Variants in EMC2 observed in about 807,000 individuals in gnomAD.
EMC2 encodes TPR repeat protein 35.
Under a neutral mutation model 51.6 loss-of-function variants are expected in EMC2, and 37 were observed. The observed-to-expected ratio is 0.72, with a 90% CI of 0.55 to 0.94. The LOEUF (loss-of-function observed/expected upper bound fraction) is 0.94. Among genes scored for constraint, EMC2 ranks in the 40% least tolerant of loss-of-function variants. The pLI, the probability that EMC2 is intolerant of heterozygous loss-of-function variation, is 0.00. For missense variants in EMC2, 359 were observed against 350.9 expected, an observed-to-expected ratio of 1.02 and a Z score of -0.18; for synonymous variants, 131 against 112.4, an observed-to-expected ratio of 1.17 and a Z score of -1.04.
rs1021902538 is a variant in EMC2, at chr8:108,487,537, G to C, written c.*939G>C. Among the ~76,000 whole-genome samples, 2 of 151,794 alleles carry C rather than the reference G, an allele frequency of 1.3e-5. No homozygotes were observed. Among genetic ancestry groups the C allele is most frequent in the African/African-American group, 4.8e-5 (2 of 41,378 alleles). On this transcript the variant is annotated 3_prime_UTR_variant, in exon 11 of 11. Coordinates refer to ENST00000220853, the MANE Select transcript of EMC2 (RefSeq NM_014673.5). ...TTTGACATGTTTCAACAAAATAGAAGAGACTTGAAAGTTAAATTTCATTTA... is the reference window on the plus strand; with the variant it reads ...TTTGACATGTTTCAACAAAATAGAACAGACTTGAAAGTTAAATTTCATTTA...
intron 10 of EMC2, among the ~76,000 whole-genome samples, chr8:108,481,707 G>A (rs2130415442): frequency 6.6e-6 from 1 of 152,194 alleles, no homozygotes; most frequent in East Asian, 1.9e-4. Flanking sequence ...AAACATTGCA[G>A]CATCCCAAAG....
intron 1 of EMC2, among the ~76,000 whole-genome samples, chr8:108,447,385 C>G (rs1234908377): frequency 3.9e-5 from 6 of 152,106 alleles, no homozygotes; most frequent in Non-Finnish European, 8.8e-5. Flanking sequence ...ATAGCTGTTC[C>G]CAACAGCCTG....
chr8:108,451,807 T>A (rs1819030083), intron 3 of EMC2, among the ~76,000 whole-genome samples: 1 of 152,228 alleles, frequency 6.6e-6, no homozygotes, highest in African/African-American at 2.4e-5. Context: ...ACAGTAACTT[T>A]ATAATGGTTA....
chr8:108,451,011 G>A (rs759821279), intron 3 of EMC2, among the ~76,000 whole-genome samples: 46 of 152,140 alleles, frequency 3.0e-4, no homozygotes, highest in Admixed American at 3.9e-4. Context: ...AGACCAGCCT[G>A]GCCAACGTGG....
chr8:108,484,694 CAGAATT>C (rs1404393683), intron 10 of EMC2, among the ~76,000 whole-genome samples: 2 of 151,782 alleles, frequency 1.3e-5, no homozygotes. Flanking sequence ...AACTTTTTCT[CAGAATT>C]AGACCTTTAA....
chr8:108,443,722 C>T (rs1818807262), intron 1 of EMC2, 24 bp downstream of exon 1: 17 of 1,597,978 alleles, frequency 1.1e-5, no homozygotes, highest in East Asian at 9.1e-5. Flanking sequence ...GGGGCGGGTG[C>T]GGAAAGACTA....
chr8:108,463,778 C>T (rs145150007), intron 5 of EMC2, among the ~76,000 whole-genome samples: 4 of 152,216 alleles, frequency 2.6e-5, no homozygotes, highest in South Asian at 2.1e-4. Flanking sequence ...ACAGTCACAA[C>T]ACAGGAAATG....
chr8:108,479,885 C>T (rs1487960810), intron 10 of EMC2, among the ~76,000 whole-genome samples: 1 of 152,108 alleles, frequency 6.6e-6, no homozygotes, highest in African/African-American at 2.4e-5. Flanking sequence ...GTGCAGGCAT[C>T]ACCATGCCCA....
At chr8:108,465,939 G>T (rs1180639519) in intron 5 of EMC2, among the ~76,000 whole-genome samples, 2 of 152,076 alleles carry the variant, frequency 1.3e-5, no homozygotes, top group African/African-American at 2.4e-5. Context: ...ATAAATATGA[G>T]GAAAATGGTG....
At chr8:108,472,862 T>C (rs1810882238) in intron 7 of EMC2, among the ~76,000 whole-genome samples, 1 of 151,976 alleles carries the variant, frequency 6.6e-6, no homozygotes, top group Non-Finnish European at 1.5e-5. Context: ...GCAGGCAGCT[T>C]TGGTAGCCTA....
chr8:108,473,959 A>G (rs1035894202), intron 7 of EMC2: 1 of 152,046 alleles, frequency 6.6e-6, no homozygotes, highest in African/African-American at 2.4e-5. Flanking sequence ...CCCTGACAAG[A>G]CTGAGGAAAT....
At position 108,476,638 on chromosome 8, in the gene EMC2, C is replaced by T. The variant is rs952756203; in HGVS notation, c.592-144C>T. The T allele has an allele frequency of 1.1e-5, 5 of 469,186 alleles. No individual in the cohort carries two copies. The South Asian group carries it at 1.5e-4, about 14-fold the overall frequency. The allele number at this position is 469,186 out of a possible 1,614,324, so 29.1% of individuals were successfully genotyped here. On this transcript the variant is annotated intron_variant, in intron 8 of 10. Transcript: ENST00000220853. The stretch of plus-strand genomic sequence containing the variant: ...TGAAATTTTAGATTAGCTTTAAAAA[C>T]CTTTAGGTGAATTCTTTTAACATCT...
chr8:108,459,703 T>TGTGA (rs147292060), intron 5 of EMC2, among the ~76,000 whole-genome samples: 4 of 126,346 alleles, frequency 3.2e-5, no homozygotes, highest in Non-Finnish European at 1.6e-5. Context: ...CCAAGCCATG[T>TGTGA]GAGAGAGAGA....
rs1239570992 is a variant in EMC2, at chr8:108,453,025, AAAT to A, written c.220-33_220-31del. On this transcript the variant is annotated intron_variant, in intron 3 of 10. Transcript: ENST00000220853. ...CCATCCATTGTAGCCCATTTAGTATAAATAATGTAATTACTACTCAACCCTTAT... is the reference window on the plus strand; with the variant it reads ...CCATCCATTGTAGCCCATTTAGTATAAATGTAATTACTACTCAACCCTTAT... 4.1e-6 allele frequency: 5 copies of A among 1,208,832 alleles called. No homozygotes were observed. In the African/African-American group the frequency reaches 4.6e-5, roughly 11 times the overall value. 74.9% of individuals were successfully genotyped at this position (1,208,832 alleles called of 1,614,324 possible).
chr8:108,457,738 A>G (rs934582039), intron 5 of EMC2, among the ~76,000 whole-genome samples: 1 of 152,218 alleles, frequency 6.6e-6, no homozygotes, highest in East Asian at 1.9e-4. Flanking sequence ...TTACAATTCA[A>G]GATGAGATTT....
chr8:108,484,225 C>T (rs1277973030), intron 10 of EMC2, among the ~76,000 whole-genome samples: 2 of 152,010 alleles, frequency 1.3e-5, no homozygotes, highest in East Asian at 3.9e-4. Flanking sequence ...AGCAGTGATT[C>T]TGTTACTATC....
In EMC2 at chr8:108,487,844, G is replaced by A. The variant is rs911797202; in HGVS notation, c.*1246G>A. Among the ~76,000 whole-genome samples, 3 of 152,008 alleles carry A rather than the reference G, an allele frequency of 2.0e-5. No individual in the cohort carries two copies. Among genetic ancestry groups the A allele is most frequent in the African/African-American group, 4.8e-5 (2 of 41,474 alleles). Reference sequence around the variant, plus strand: ...AATCTTTCATATTACAGTCATTTTCGTTTTATTCTGCCACGAGTAATAGGC... The same window carrying A: ...AATCTTTCATATTACAGTCATTTTCATTTTATTCTGCCACGAGTAATAGGC... On this transcript the variant is annotated 3_prime_UTR_variant, in exon 11 of 11. Transcript: ENST00000220853.
At chr8:108,480,889 A>G (rs1310208969) in intron 10 of EMC2, among the ~76,000 whole-genome samples, 2 of 152,042 alleles carry the variant, frequency 1.3e-5, no homozygotes, top group Non-Finnish European at 2.9e-5. Flanking sequence ...AGTTTTTTAC[A>G]TTTATCTTTG....
Position 108,449,905 on chromosome 8 carries a change from TAATG to T in EMC2, c.127_130del (p.Glu43MetfsTer16). The T allele has an allele frequency of 5.1e-6, 8 of 1,578,782 alleles. No individual in the cohort carries two copies. The highest frequency in any genetic ancestry group is 7.0e-6 in the Non-Finnish European group (8 of 1,148,590). On this transcript the variant is annotated frameshift_variant, in exon 2 of 11. Transcript: ENST00000220853. LOFTEE classifies it high-confidence loss of function. ...TTGTGGAAGTTGGAGAAGAATTAAT[TAATG>T]AATATGCTTCTAAGCTGGGAGATGA... is the stretch of plus-strand genomic sequence containing the variant.
Sources: gnomAD v4.1 joint callset for allele counts (sites outside exome capture counted in the v4.1 genomes callset) on GRCh38, gnomAD v4.1.1 for gene constraint, MANE v1.5 for transcripts, NCBI Gene and HGNC (gene_info 2026-07-23, HGNC 2026-07-21) for gene names.